The following TOPBP1 variants were observed in gnomAD, a reference collection of about 807,000 sequenced individuals.
TOPBP1 encodes DNA topoisomerase 2-binding protein 1.
In TOPBP1, 28 loss-of-function variants were observed where a neutral mutation model predicts 167.7. The ratio of observed to expected loss-of-function variants is 0.17; its 90% CI spans 0.12 to 0.23. TOPBP1 has a LOEUF of 0.23. TOPBP1 is among the 10% of genes least tolerant of loss of function. The pLI is 1.00. For missense variants in TOPBP1, 1,554 were observed against 1,809.6 expected (o/e 0.86, Z 2.56); for synonymous variants, 598 against 611.4 (o/e 0.98, Z 0.32).
intron 23 of TOPBP1, among the ~76,000 whole-genome samples, chr3:133,614,372 T>G (rs1240836512): frequency 6.6e-6 from 1 of 152,174 alleles, no homozygotes; most frequent in Non-Finnish European, 1.5e-5. Context: ...TAAACATCAA[T>G]TTCCAATTCT....
At chr3:133,651,341 A>T (rs1263586884) in intron 8 of TOPBP1, among the ~76,000 whole-genome samples, 1 of 151,566 alleles carries the variant, frequency 6.6e-6, no homozygotes, top group Non-Finnish European at 1.5e-5. Flanking sequence ...GGCCTGCCAC[A>T]ACGCCCAGCT....
Position 133,608,537 on chromosome 3 carries a change from G to C in TOPBP1, c.4423C>G (p.Gln1475Glu), listed in dbSNP as rs752433313. The change falls in exon 27 of 28, where the codon CAG (glutamine) becomes GAG (glutamate). Residue 1475 changes from glutamine (Q) to glutamate (E), a missense_variant and splice_region_variant. This residue lies in a region of TOPBP1 where 351 missense variants were observed against 432.9 expected (regional missense o/e 0.81). Transcript: ENST00000260810. ...GTCAAGGATAGAATCTCACAAACCTGCATGAGATAATCAGCAATGTATTCT... is the reference window on the plus strand; with the variant it reads ...GTCAAGGATAGAATCTCACAAACCTCCATGAGATAATCAGCAATGTATTCT... ...RTEYIADYLMQESPPHVENYC... is the reference protein window; with the variant it reads ...RTEYIADYLMEESPPHVENYC... 1.9e-6 allele frequency: 3 copies of C among 1,613,366 alleles called. No homozygotes were observed. The South Asian group carries it at 3.3e-5, about 18-fold the overall frequency.
intron 19 of TOPBP1, among the ~76,000 whole-genome samples, chr3:133,620,852 G>C (rs1393131250): frequency 6.6e-6 from 1 of 152,144 alleles, no homozygotes; most frequent in Non-Finnish European, 1.5e-5. Context: ...TAGGATTACA[G>C]GCATGAGCCA....
chr3:133,617,139 C>CTG (rs1187164427), intron 22 of TOPBP1, 21 bp downstream of exon 22: 1 of 1,590,854 alleles, frequency 6.3e-7, no homozygotes, highest in South Asian at 1.1e-5. Flanking sequence ...AGCTGTATCA[C>CTG]CATATTAAGG....
At position 133,628,738 on chromosome 3, in the gene TOPBP1, A is replaced by T; in HGVS notation, c.2521-5T>A. ...TTCCAAGGCTGCAAGTGCATCCTAT[A>T]CATATGAAGGAGAGAGAGAGATGGA... On this transcript the variant is annotated splice_polypyrimidine_tract_variant and splice_region_variant and intron_variant, in intron 14 of 27. Transcript: ENST00000260810. 6.4e-7 allele frequency: 1 copy of T among 1,551,640 alleles called. No homozygotes were observed. Among genetic ancestry groups the T allele is most frequent in the Non-Finnish European group, 8.7e-7 (1 of 1,146,850 alleles).
At chr3:133,616,976 T>A in intron 22 of TOPBP1, 51 bp from the exon 23 acceptor site, 1 of 1,300,088 alleles carries the variant, frequency 7.7e-7, no homozygotes, top group Non-Finnish European at 1.0e-6. Flanking sequence ...AATGATCAGA[T>A]ACACAGTTCT....
intron 14 of TOPBP1, among the ~76,000 whole-genome samples, chr3:133,630,754 GAATTTTT>G (rs1425438651): frequency 2.0e-5 from 3 of 152,242 alleles, no homozygotes; most frequent in East Asian, 3.9e-4. Context: ...CCCAGTTAGA[GAATTTTT>G]AATGCTGTCA....
intron 16 of TOPBP1, among the ~76,000 whole-genome samples, chr3:133,627,919 T>C (rs571420895): frequency 3.3e-5 from 5 of 152,120 alleles, no homozygotes; most frequent in African/African-American, 9.6e-5. Context: ...AAAGACTATC[T>C]TAATAAAGGA....
chr3:133,658,885 C>G (rs183286785), intron 3 of TOPBP1, 131 bp downstream of exon 3: 3 of 1,032,020 alleles, frequency 2.9e-6, no homozygotes, highest in Non-Finnish European at 3.9e-6. Flanking sequence ...CCTGGTCTTG[C>G]CAAACCAAAA....
chr3:133,601,774 T>G (rs550255876), intron 27 of TOPBP1, among the ~76,000 whole-genome samples: 1 of 152,178 alleles, frequency 6.6e-6, no homozygotes, highest in Non-Finnish European at 1.5e-5. Flanking sequence ...CCCTTGCATT[T>G]TCCCCCCACA....
chr3:133,609,038 T>C, intron 25 of TOPBP1, 76 bp from the exon 26 acceptor site: 1 of 1,172,232 alleles, frequency 8.5e-7, no homozygotes, highest in Non-Finnish European at 1.2e-6. Context: ...TGATTTTATC[T>C]GTAGACTTAG....
intron 11 of TOPBP1, among the ~76,000 whole-genome samples, chr3:133,643,663 T>G (rs1181021132): frequency 6.6e-6 from 1 of 152,116 alleles, no homozygotes; most frequent in Non-Finnish European, 1.5e-5. Context: ...TGTATTAGTT[T>G]ATACTATTTT....
Position 133,601,413 on chromosome 3 carries a change from T to A in TOPBP1, c.4426-20A>T. 1 of 1,442,392 alleles carries A rather than the reference T, an allele frequency of 6.9e-7. No homozygotes were observed. The highest frequency in any genetic ancestry group is 9.2e-7 in the Non-Finnish European group (1 of 1,088,276). The allele number at this position is 1,442,392 out of a possible 1,614,324, so 89.3% of individuals were successfully genotyped here. ...TGATTCCTATAAAAGGAAAAATAAG[T>A]GATTTTTTAAAATGATTTCAAACAT... On this transcript the variant is annotated intron_variant, in intron 27 of 27. Coordinates refer to ENST00000260810, the MANE Select transcript of TOPBP1 (RefSeq NM_007027.4).
chr3:133,626,598 A>AG (rs1935274327), intron 16 of TOPBP1, among the ~76,000 whole-genome samples: 1 of 152,206 alleles, frequency 6.6e-6, no homozygotes, highest in Non-Finnish European at 1.5e-5. Flanking sequence ...AATTGATGGA[A>AG]GACCACTGCT....
intron 22 of TOPBP1, 27 bp downstream of exon 22, chr3:133,617,133 G>C (rs11707750): frequency 0.18 from 280,793 of 1,577,974 alleles, 27,594 homozygotes; most frequent in Non-Finnish European, 0.21. Context: ...TGCAAAAGCT[G>C]TATCACCATA....
chr3:133,661,189 G>C, intron 1 of TOPBP1, 55 bp from the exon 2 acceptor site: 1 of 1,368,534 alleles, frequency 7.3e-7, no homozygotes, highest in Non-Finnish European at 9.8e-7. Flanking sequence ...ATAAAAAGTT[G>C]CATGTTTAAC....
At chr3:133,630,934 C>A (rs970892630) in intron 14 of TOPBP1, among the ~76,000 whole-genome samples, 2 of 152,188 alleles carry the variant, frequency 1.3e-5, no homozygotes, top group Non-Finnish European at 2.9e-5. Flanking sequence ...GTTGTTCACG[C>A]TTGTAATTCC....
At position 133,643,102 on chromosome 3, in the gene TOPBP1, A is replaced by C. The variant is rs576552459; in HGVS notation, c.2021+98T>G. On this transcript the variant is annotated intron_variant, in intron 12 of 27. Transcript: ENST00000260810. ...CCACATAACACTCATAAATATAATAAAGACACCCAACCAAATTCTAATTTG... is the reference window on the plus strand; with the variant it reads ...CCACATAACACTCATAAATATAATACAGACACCCAACCAAATTCTAATTTG... 9.8e-6 allele frequency: 12 copies of C among 1,225,022 alleles called. No homozygotes were observed. The South Asian group carries it at 1.7e-4, about 18-fold the overall frequency. 75.9% of individuals were successfully genotyped at this position (1,225,022 alleles called of 1,614,324 possible).
chr3:133,660,398 C>A (rs1936653769), intron 2 of TOPBP1, among the ~76,000 whole-genome samples: 2 of 152,332 alleles, frequency 1.3e-5, no homozygotes, highest in South Asian at 4.1e-4. Flanking sequence ...GTTCTCATCA[C>A]TGATAAATCC....
Sources: allele counts gnomAD v4.1 joint callset (sites outside exome capture counted in the v4.1 genomes callset), GRCh38; gene constraint gnomAD v4.1.1; regional missense constraint gnomAD v4.1.1; transcripts MANE v1.5; gene names NCBI Gene and HGNC (gene_info 2026-07-23, HGNC 2026-07-21).